The following BMPR1B variants were observed in gnomAD, a reference collection of about 807,000 sequenced individuals.
BMPR1B encodes the protein bone morphogenetic protein receptor type-1B.
Under a neutral mutation model 59.1 loss-of-function variants are expected in BMPR1B, and 12 were observed. The observed-to-expected ratio is 0.20, with a 90% confidence interval of 0.13 to 0.33. The LOEUF (loss-of-function observed/expected upper bound fraction) is 0.33, where lower values mean the gene tolerates loss of function less well. Ranked by LOEUF, BMPR1B falls within the 10% of genes least tolerant of loss-of-function variation. The pLI is 1.00. For missense variants in BMPR1B, 550 were observed against 610.9 expected (o/e 0.90, Z 1.05); for synonymous variants, 237 against 207.3 (o/e 1.14, Z -1.23).
chr4:94,788,796 A>G (rs1305291633), intron 1 of BMPR1B, among the ~76,000 whole-genome samples: 3 of 152,190 alleles, frequency 2.0e-5, no homozygotes, highest in Non-Finnish European at 4.4e-5. Context: ...GGATTGCACC[A>G]GATCCAGTTT....
chr4:94,781,673 G>C (rs1032864221), intron 1 of BMPR1B, among the ~76,000 whole-genome samples: 18 of 152,312 alleles, frequency 1.2e-4, no homozygotes, highest in African/African-American at 4.1e-4. Flanking sequence ...GCCTCCCAAA[G>C]TGCTGGGGTT....
At chr4:94,870,963 C>T (rs1212553619) in intron 1 of BMPR1B, among the ~76,000 whole-genome samples, 1 of 151,914 alleles carries the variant, frequency 6.6e-6, no homozygotes, top group Non-Finnish European at 1.5e-5. Context: ...TATTGAATTA[C>T]AGACACTTAT....
At chr4:95,063,003 A>T (rs1727514156) in intron 3 of BMPR1B, among the ~76,000 whole-genome samples, 1 of 152,150 alleles carries the variant, frequency 6.6e-6, no homozygotes, top group South Asian at 2.1e-4. Flanking sequence ...ATGTCATATT[A>T]TCTATTGACA....
At chr4:95,150,071 C>T (rs548687924) in intron 11 of BMPR1B, among the ~76,000 whole-genome samples, 6 of 152,306 alleles carry the variant, frequency 3.9e-5, no homozygotes, top group Non-Finnish European at 7.4e-5. Context: ...AATCAACCTG[C>T]ATTCACACTT....
chr4:95,069,355 C>G (rs894734983), intron 3 of BMPR1B, among the ~76,000 whole-genome samples: 2 of 152,188 alleles, frequency 1.3e-5, no homozygotes, highest in South Asian at 4.1e-4. Flanking sequence ...CTTGTCTGAC[C>G]TCACCATGTA....
chr4:94,903,672 TG>T (rs1244604237), intron 2 of BMPR1B, among the ~76,000 whole-genome samples: 4 of 152,176 alleles, frequency 2.6e-5, no homozygotes, highest in Admixed American at 2.6e-4. Flanking sequence ...TGATTGTATT[TG>T]GACATAGTGT....
At chr4:94,874,025 T>C (rs976792114) in intron 1 of BMPR1B, among the ~76,000 whole-genome samples, 5 of 152,204 alleles carry the variant, frequency 3.3e-5, no homozygotes, top group Non-Finnish European at 5.9e-5. Context: ...ATACAGTGTT[T>C]GTCTTGTAGT....
chr4:94,777,659 C>T (rs559312704), intron 1 of BMPR1B, among the ~76,000 whole-genome samples: 1 of 152,060 alleles, frequency 6.6e-6, no homozygotes, highest in African/African-American at 2.4e-5. Flanking sequence ...TGTGAAAAGG[C>T]CCTTATATTG....
chr4:94,902,488 C>T (rs138709710), intron 2 of BMPR1B, among the ~76,000 whole-genome samples: 2,512 of 151,922 alleles, frequency 0.017, 36 homozygotes, highest in Non-Finnish European at 0.027. Context: ...ATGATGGCAG[C>T]ACTTAGTGGT....
chr4:95,069,072 GACTTGCTACA>G (rs1728075772), intron 3 of BMPR1B, among the ~76,000 whole-genome samples: 1 of 152,166 alleles, frequency 6.6e-6, no homozygotes, highest in South Asian at 2.1e-4. Context: ...TGACATTAAG[GACTTGCTACA>G]CATTGTTTTG....
intron 1 of BMPR1B, among the ~76,000 whole-genome samples, chr4:94,820,854 A>G (rs1279819196): frequency 2.0e-5 from 3 of 152,362 alleles, no homozygotes; most frequent in Admixed American, 6.5e-5. Flanking sequence ...AACTTCAACC[A>G]TATAACATAT....
At chr4:94,822,272 A>G (rs1333472179) in intron 1 of BMPR1B, among the ~76,000 whole-genome samples, 1 of 152,182 alleles carries the variant, frequency 6.6e-6, no homozygotes, top group East Asian at 1.9e-4. Context: ...CACCACCACA[A>G]TGGCAACCAA....
At chr4:94,866,717 T>TG (rs1438861395) in intron 1 of BMPR1B, among the ~76,000 whole-genome samples, 3 of 152,086 alleles carry the variant, frequency 2.0e-5, no homozygotes, top group Non-Finnish European at 2.9e-5. Context: ...CCCAAGTAGC[T>TG]GGATTACAGG....
intron 1 of BMPR1B, among the ~76,000 whole-genome samples, chr4:94,857,017 G>A (rs1725783106): frequency 6.6e-6 from 1 of 152,102 alleles, no homozygotes; most frequent in Admixed American, 6.5e-5. Context: ...TCTGCAGAGG[G>A]GGCAAGAAAG....
chr4:94,913,550 A>C (rs963860910), intron 2 of BMPR1B, among the ~76,000 whole-genome samples: 5 of 152,158 alleles, frequency 3.3e-5, no homozygotes, highest in African/African-American at 1.2e-4. Flanking sequence ...TCTGCTAAAG[A>C]ATGGCAAGTG....
At chr4:94,908,108 T>TAAAAAAACA (rs1229741943) in intron 2 of BMPR1B, among the ~76,000 whole-genome samples, 1 of 68,540 alleles carries the variant, frequency 1.5e-5, no homozygotes. Flanking sequence ...CAAAAAAAAG[T>TAAAAAAACA]AAAGGTCTTG....
chr4:94,795,620 C>T (rs1723158784), intron 1 of BMPR1B, among the ~76,000 whole-genome samples: 1 of 151,726 alleles, frequency 6.6e-6, no homozygotes, highest in Admixed American at 6.6e-5. Context: ...TGTACCACCA[C>T]ATCTGGCTAA....
Position 95,131,144 on chromosome 4 carries a change from T to C in BMPR1B, c.779-71T>C, listed in dbSNP as rs566036758. 20 of 1,439,778 alleles carry C rather than the reference T, an allele frequency of 1.4e-5. No individual in the cohort carries two copies. The South Asian group carries it at 2.4e-4, about 18-fold the overall frequency. 89.2% of individuals were successfully genotyped at this position (1,439,778 alleles called of 1,614,324 possible). ...AAAAATTATCTATGACAAAGAATGA[T>C]GTTTGAGAATATGAATTATTCCTGA... is the stretch of plus-strand genomic sequence containing the variant. On this transcript the variant is annotated intron_variant, in intron 9 of 12. Coordinates refer to ENST00000515059, the MANE Select transcript of BMPR1B (RefSeq NM_001203.3).
At chr4:94,979,524 G>C (rs914638336) in intron 2 of BMPR1B, among the ~76,000 whole-genome samples, 1 of 152,158 alleles carries the variant, frequency 6.6e-6, no homozygotes, top group African/African-American at 2.4e-5. Context: ...GAATTTTTAA[G>C]TGGCAATAGT....
Sources: allele counts gnomAD v4.1 joint callset (sites outside exome capture counted in the v4.1 genomes callset), GRCh38; gene constraint gnomAD v4.1.1; transcripts MANE v1.5; gene names NCBI Gene and HGNC (gene_info 2026-07-23, HGNC 2026-07-21).